CEP128: variants seen among roughly 807,000 people sequenced by gnomAD.
CEP128 encodes centrosomal protein 128.
CEP128 carries 132 observed loss-of-function variants against 156.7 expected under a neutral mutation model. That is an observed-to-expected ratio of 0.84 (90% CI 0.73 to 0.97). The LOEUF (loss-of-function observed/expected upper bound fraction) is 0.97, where lower values mean the gene tolerates loss of function less well. Ranked by LOEUF, CEP128 falls within the 50% of genes least tolerant of loss-of-function variation. CEP128 has a pLI of 0.00. For missense variants in CEP128, 1,252 were observed against 1,281.9 expected (o/e 0.98, Z 0.36); for synonymous variants, 469 against 448.9 (o/e 1.04, Z -0.57).
At position 80,765,635 on chromosome 14, in the gene CEP128, GTAAC is replaced by G. The variant is rs1285486575; in HGVS notation, c.2377-4026_2377-4023del. ...AGATGCCTGGAGCTAGGGAATGTAG[GTAAC>G]TTCTTTTGGAGGGTAGGGAGGAAGG... On this transcript the variant is annotated intron_variant, in intron 16 of 24. Transcript: ENST00000555265. Among the ~76,000 whole-genome samples, 14 of 152,264 alleles carry G rather than the reference GTAAC, an allele frequency of 9.2e-5. No homozygotes were observed. In the South Asian group the frequency reaches 1.9e-3, roughly 20 times the overall value.
chr14:80,959,402 T>C (rs1265936931), intron 1 of CEP128: 1 of 152,230 alleles, frequency 6.6e-6, no homozygotes, highest in Non-Finnish European at 1.5e-5. Context: ...AAACCAAGGA[T>C]AACAAGATTG....
chr14:80,527,215 G>C (rs552150827), intron 22 of CEP128: 9 of 543,076 alleles, frequency 1.7e-5, no homozygotes, highest in South Asian at 1.3e-4. Context: ...GATAGCTCTA[G>C]TCCAGGAGTT....
At chr14:80,561,917 T>TA (rs1463564179) in intron 20 of CEP128, among the ~76,000 whole-genome samples, 14 of 148,192 alleles carry the variant, frequency 9.4e-5, no homozygotes, top group African/African-American at 3.3e-4. Context: ...TATATATTTG[T>TA]TTTGTTTTGT....
At chr14:80,889,435 G>C (rs1195812807) in intron 8 of CEP128, among the ~76,000 whole-genome samples, 1 of 152,130 alleles carries the variant, frequency 6.6e-6, no homozygotes, top group East Asian at 1.9e-4. Flanking sequence ...CAGATATACA[G>C]ACCAATGGAA....
intron 9 of CEP128, among the ~76,000 whole-genome samples, chr14:80,845,379 A>G (rs1886546860): frequency 6.6e-6 from 1 of 152,160 alleles, no homozygotes; most frequent in Non-Finnish European, 1.5e-5. Flanking sequence ...TGAGCCCAAC[A>G]AGTGCACTTT....
At chr14:80,951,305 C>A (rs1258710740) in intron 2 of CEP128, among the ~76,000 whole-genome samples, 1 of 151,922 alleles carries the variant, frequency 6.6e-6, no homozygotes, top group Non-Finnish European at 1.5e-5. Context: ...GGATTTATAA[C>A]CTATGTATGA....
At chr14:80,641,425 A>G (rs541944693) in intron 19 of CEP128, among the ~76,000 whole-genome samples, 1 of 152,332 alleles carries the variant, frequency 6.6e-6, no homozygotes, top group South Asian at 2.1e-4. Context: ...TTCAAGTTTT[A>G]TCAAGTACCA....
intron 8 of CEP128, among the ~76,000 whole-genome samples, chr14:80,888,059 C>A (rs1229714579): frequency 6.6e-6 from 1 of 152,046 alleles, no homozygotes; most frequent in East Asian, 1.9e-4. Flanking sequence ...GACACAAACA[C>A]CCTCCCAAGA....
At chr14:80,538,665 T>C (rs184375105) in intron 21 of CEP128, among the ~76,000 whole-genome samples, 7 of 152,342 alleles carry the variant, frequency 4.6e-5, no homozygotes, top group African/African-American at 1.7e-4. Flanking sequence ...TAATACACGT[T>C]CCCTCACCTA....
intron 19 of CEP128, among the ~76,000 whole-genome samples, chr14:80,676,501 C>A (rs1896067692): frequency 6.6e-6 from 1 of 151,984 alleles, no homozygotes; most frequent in South Asian, 2.1e-4. Context: ...TTTATTTCCT[C>A]CATCCCAATG....
At chr14:80,656,745 T>C (rs1895189322) in intron 19 of CEP128, among the ~76,000 whole-genome samples, 1 of 152,114 alleles carries the variant, frequency 6.6e-6, no homozygotes, top group Non-Finnish European at 1.5e-5. Flanking sequence ...ATCAATATTT[T>C]TGATTAGTTA....
At chr14:80,565,026 T>A (rs8018754) in intron 20 of CEP128, among the ~76,000 whole-genome samples, 86,006 of 151,786 alleles carry the variant, frequency 0.57, 24,655 homozygotes, top group East Asian at 0.72. Flanking sequence ...ACCATTGCAC[T>A]CCAGCCTGGG....
chr14:80,791,831 G>A (rs879621359), intron 14 of CEP128, among the ~76,000 whole-genome samples: 1 of 152,184 alleles, frequency 6.6e-6, no homozygotes, highest in Non-Finnish European at 1.5e-5. Flanking sequence ...CAGCTCATCT[G>A]AAATAAGTAT....
chr14:80,913,969 T>C (rs2139491989), intron 4 of CEP128, among the ~76,000 whole-genome samples: 1 of 152,344 alleles, frequency 6.6e-6, no homozygotes, highest in East Asian at 1.9e-4. Flanking sequence ...TTTTTCATTT[T>C]TTGTTTTAAC....
intron 19 of CEP128, among the ~76,000 whole-genome samples, chr14:80,681,953 C>T (rs1279774939): frequency 6.6e-6 from 1 of 151,896 alleles, no homozygotes; most frequent in East Asian, 1.9e-4. Context: ...AAAAAATAAA[C>T]AAAAATAAGC....
intron 18 of CEP128, among the ~76,000 whole-genome samples, chr14:80,743,726 G>C (rs1898952072): frequency 6.6e-6 from 1 of 152,060 alleles, no homozygotes; most frequent in African/African-American, 2.4e-5. Context: ...AGCTAATTAG[G>C]CATGAGGAGA....
At chr14:80,511,717 T>C (rs1888266716) in intron 23 of CEP128, among the ~76,000 whole-genome samples, 2 of 152,046 alleles carry the variant, frequency 1.3e-5, no homozygotes, top group African/African-American at 4.8e-5. Flanking sequence ...TTTTTTGATG[T>C]AGGCATTTAT....
At chr14:80,593,997 A>G (rs777622108) in intron 19 of CEP128, among the ~76,000 whole-genome samples, 49 of 152,238 alleles carry the variant, frequency 3.2e-4, no homozygotes, top group Non-Finnish European at 6.5e-4. Flanking sequence ...GAACCAAAAT[A>G]TAACTCATAT....
intron 19 of CEP128, 186 bp downstream of exon 19, chr14:80,742,889 C>T (rs560308931): frequency 2.9e-5 from 17 of 584,174 alleles, no homozygotes; most frequent in Non-Finnish European, 5.1e-5. Flanking sequence ...AGGAGGAATG[C>T]TGTGGCTGAA....
Sources: allele counts gnomAD v4.1 joint callset (sites outside exome capture counted in the v4.1 genomes callset), GRCh38; gene constraint gnomAD v4.1.1; transcripts MANE v1.5; gene names NCBI Gene and HGNC (gene_info 2026-07-23, HGNC 2026-07-21).